Variants in TJP2 observed in about 807,000 individuals in gnomAD.
TJP2 encodes the protein tight junction protein 2.
A neutral mutation model predicts 133.1 loss-of-function variants in TJP2; 91 were observed. That is an observed-to-expected ratio of 0.68 (90% CI 0.58 to 0.81). The LOEUF (loss-of-function observed/expected upper bound fraction) is 0.81, where lower values mean the gene tolerates loss of function less well. Among genes scored for constraint, TJP2 ranks in the 40% least tolerant of loss-of-function variants. The probability of loss-of-function intolerance (pLI) is 0.00; values close to 1 mark genes in which losing one functional copy is unlikely to be tolerated. For missense variants in TJP2, 1,541 were observed against 1,565.6 expected, an observed-to-expected ratio of 0.98 and a Z score of 0.26; for synonymous variants, 592 against 583.4, an observed-to-expected ratio of 1.01 and a Z score of -0.21.
Position 69,237,910 on chromosome 9 carries a change from C to T in TJP2, c.2212C>T (p.Pro738Ser). ...GFKRPVVLFG[P>S]IADIAMEKLA... ...CAAGAGACCTGTGGTCTTATTCGGC[C>T]CCATAGCTGATATAGCAATGGAAAA... The change falls in exon 15 of 23, where the codon CCC (proline) becomes TCC (serine). Residue 738 changes from proline to serine, a missense_variant. Transcript: ENST00000377245. 1.2e-6 allele frequency: 2 copies of T among 1,613,886 alleles called. No individual in the cohort carries two copies. Among genetic ancestry groups the T allele is most frequent in the Non-Finnish European group, 1.7e-6 (2 of 1,179,876 alleles).
chr9:69,193,676 CT>C (rs11312165), intron 1 of TJP2, among the ~76,000 whole-genome samples: 72,604 of 138,442 alleles, frequency 0.52, 18,797 homozygotes, highest in South Asian at 0.6. Context: ...AACACCTGAA[CT>C]TTTTTTTTTT....
chr9:69,147,998 C>T (rs1392350514), intron 1 of TJP2, among the ~76,000 whole-genome samples: 4 of 151,758 alleles, frequency 2.6e-5, no homozygotes, highest in African/African-American at 4.8e-5. Flanking sequence ...AATCTTGGCT[C>T]ACTGCAACCT....
At chr9:69,174,685 G>A (rs907902896) in intron 1 of TJP2, among the ~76,000 whole-genome samples, 1 of 152,184 alleles carries the variant, frequency 6.6e-6, no homozygotes, top group Non-Finnish European at 1.5e-5. Context: ...CGCGAGTAGG[G>A]GACACTGTCT....
chr9:69,136,256 T>C (rs1381519970), intron 1 of TJP2, among the ~76,000 whole-genome samples: 1 of 152,202 alleles, frequency 6.6e-6, no homozygotes, highest in Non-Finnish European at 1.5e-5. Context: ...CAGTGGCTCA[T>C]GTCTATAATC....
chr9:69,251,819 CAAA>C (rs1000939242), intron 21 of TJP2, among the ~76,000 whole-genome samples: 4 of 152,068 alleles, frequency 2.6e-5, no homozygotes, highest in African/African-American at 7.2e-5. Flanking sequence ...ACTTTTCAAA[CAAA>C]GAAGAATTTA....
chr9:69,243,510 A>T (rs1830710179), intron 17 of TJP2, among the ~76,000 whole-genome samples: 1 of 152,228 alleles, frequency 6.6e-6, no homozygotes, highest in African/African-American at 2.4e-5. Context: ...ACCAATTTTT[A>T]AAAATTTTCT....
Position 69,150,880 on chromosome 9 carries a change from T to C in TJP2, c.-130-771T>C, listed in dbSNP as rs552337496. On this transcript the variant is annotated intron_variant, in intron 1 of 5. Transcript: ENST00000423935. ...ACCCAAACTTCCACCAACTGAAGAATAGATAATAAAATGTGGTATATCCAT... is the reference window on the plus strand; with the variant it reads ...ACCCAAACTTCCACCAACTGAAGAACAGATAATAAAATGTGGTATATCCAT... Among the ~76,000 whole-genome samples the C allele has an allele frequency of 2.5e-3, 385 of 152,296 alleles. 1 individual carries two copies. Among genetic ancestry groups the C allele is most frequent in the African/African-American group, 8.5e-3 (355 of 41,552 alleles).
chr9:69,222,174 CTAACT>C (rs1216496385), intron 5 of TJP2, among the ~76,000 whole-genome samples: 1 of 104,398 alleles, frequency 9.6e-6, no homozygotes, highest in Non-Finnish European at 1.9e-5. Flanking sequence ...ACCTGGCCAG[CTAACT>C]TTTTTTTTTT....
intron 1 of TJP2, among the ~76,000 whole-genome samples, chr9:69,183,666 T>C (rs911005630): frequency 9.2e-5 from 14 of 152,220 alleles, no homozygotes; most frequent in Admixed American, 2.0e-4. Flanking sequence ...CTTGTGGACA[T>C]GTACACCCAT....
chr9:69,156,093 G>T (rs761772895), intron 2 of TJP2, among the ~76,000 whole-genome samples: 2 of 152,200 alleles, frequency 1.3e-5, no homozygotes, highest in Non-Finnish European at 2.9e-5. Flanking sequence ...GGCCAGGCAG[G>T]GTGGCTCACG....
upstream of TJP2, chr9:69,173,983 T>C (rs1007446787): frequency 7.1e-6 from 7 of 985,188 alleles, no homozygotes; most frequent in African/African-American, 1.2e-4. Context: ...GCGTGGGGGC[T>C]GCGGGCCGCT....
intron 2 of TJP2, among the ~76,000 whole-genome samples, chr9:69,161,434 G>C (rs1239586816): frequency 6.6e-6 from 1 of 152,082 alleles, no homozygotes; most frequent in Non-Finnish European, 1.5e-5. Context: ...TCACCATCTT[G>C]GCTAGGCAGG....
rs907535199 is a variant in TJP2 at position 69,221,581 on chromosome 9, T to G, written c.952+85T>G. 7.3e-6 allele frequency: 11 copies of G among 1,513,600 alleles called. No homozygotes were observed. The Admixed American group carries it at 7.9e-5, about 11-fold the overall frequency. The allele number at this position is 1,513,600 out of a possible 1,614,324, so 93.8% of individuals were successfully genotyped here. On this transcript the variant is annotated intron_variant, in intron 5 of 22. Transcript: ENST00000377245. ...TTAATTTTTTTTTTTCCCCCGAAAG[T>G]GTTGCTCTGTCATCCAGGCTGGAGG...
In TJP2 at chr9:69,248,304, G is replaced by T. The variant is rs769729938; in HGVS notation, c.2880+80G>T. 1.3e-6 allele frequency: 2 copies of T among 1,502,304 alleles called. No individual in the cohort carries two copies. Among genetic ancestry groups the T allele is most frequent in the Admixed American group, 2.2e-5 (1 of 44,918 alleles). The allele number at this position is 1,502,304 out of a possible 1,614,324, so 93.1% of individuals were successfully genotyped here. ...CTCTCGTGGACAGCTGTGTGTTCAG[G>T]GTGCTGTGGAAGGCATTCCTAAGGG... On this transcript the variant is annotated intron_variant, in intron 19 of 22. Coordinates refer to ENST00000377245, the MANE Select transcript of TJP2 (RefSeq NM_004817.4).
chr9:69,172,209 TGCC>T (rs1180575485), upstream of TJP2, among the ~76,000 whole-genome samples: 1 of 152,264 alleles, frequency 6.6e-6, no homozygotes, highest in Admixed American at 6.5e-5. Flanking sequence ...TGATTTACAC[TGCC>T]ACCAGCAAAA....
At chr9:69,219,654 G>A (rs1828658408) in intron 4 of TJP2, among the ~76,000 whole-genome samples, 1 of 151,932 alleles carries the variant, frequency 6.6e-6, no homozygotes, top group Non-Finnish European at 1.5e-5. Context: ...GATCTCCTGG[G>A]TTCAAGCGAT....
intron 1 of TJP2, chr9:69,204,890 C>A (rs1827275098): frequency 8.0e-7 from 1 of 1,246,134 alleles, no homozygotes; most frequent in South Asian, 2.6e-5. Context: ...TACTCGGATG[C>A]TCTAGTTCCC....
upstream of TJP2, chr9:69,173,939 G>A (rs549191540): frequency 2.4e-3 from 2,403 of 984,944 alleles, 4 homozygotes; most frequent in Non-Finnish European, 2.7e-3. Context: ...GCCGCGGAGC[G>A]AACCATCGGG....
intron 4 of TJP2, 98 bp from the exon 5 acceptor site, chr9:69,220,789 C>T (rs1828761782): frequency 3.3e-6 from 4 of 1,211,856 alleles, no homozygotes; most frequent in Non-Finnish European, 4.8e-6. Flanking sequence ...GGCAGGGATA[C>T]GGTTTTCCTG....
Sources: allele counts gnomAD v4.1 joint callset (sites outside exome capture counted in the v4.1 genomes callset), GRCh38; gene constraint gnomAD v4.1.1; transcripts MANE v1.5; gene names NCBI Gene and HGNC (gene_info 2026-07-23, HGNC 2026-07-21).